MOXD1: variants seen among roughly 807,000 people sequenced by gnomAD.
MOXD1 encodes monooxygenase DBH like 1.
In MOXD1, 62 loss-of-function variants were observed where a neutral mutation model predicts 66.6. The ratio of observed to expected loss-of-function variants is 0.93; its 90% CI spans 0.76 to 1.15. The LOEUF (loss-of-function observed/expected upper bound fraction) is 1.15, where lower values mean the gene tolerates loss of function less well. Ranked by LOEUF, MOXD1 falls within the 50% of genes most tolerant of loss-of-function variation. The probability of loss-of-function intolerance (pLI) is 0.00; values close to 1 mark genes in which losing one functional copy is unlikely to be tolerated. For synonymous variants in MOXD1, 303 were observed against 281.9 expected, an observed-to-expected ratio of 1.07 and a Z score of -0.75; for missense variants, 847 against 754.6, an observed-to-expected ratio of 1.12 and a Z score of -1.44.
chr6:132,395,023 G>T lies in MOXD1; in HGVS notation c.264+6140C>A, dbSNP rs144822424. ...AGCACATTATAGTCAAAATATCAGA[G>T]GTGAAAGACACAGAGAAAACTCAAA... On this transcript the variant is annotated intron_variant, in intron 1 of 11. Transcript: ENST00000367963. 2.1e-3 allele frequency among the ~76,000 whole-genome samples: 324 copies of T among 152,086 alleles called. 3 individuals are homozygous for T. Among genetic ancestry groups the T allele is most frequent in the African/African-American group, 6.3e-3 (263 of 41,502 alleles).
At position 132,336,344 on chromosome 6, in the gene MOXD1, G is replaced by C. The variant is rs115762959; in HGVS notation, c.664-7750C>G. ...TCTGGAAAAAGTTATCAAGAGGTCA[G>C]CTAGCTCCTAAAGTGATGCTGCCTA... On this transcript the variant is annotated intron_variant, in intron 4 of 11. Coordinates refer to ENST00000367963, the MANE Select transcript of MOXD1 (RefSeq NM_015529.4). 2.2e-3 allele frequency among the ~76,000 whole-genome samples: 330 copies of C among 152,284 alleles called. 2 individuals are homozygous for C. The highest frequency in any genetic ancestry group is 7.7e-3 in the African/African-American group (321 of 41,556).
At chr6:132,366,165 G>A (rs1167301067) in intron 4 of MOXD1, among the ~76,000 whole-genome samples, 3 of 152,060 alleles carry the variant, frequency 2.0e-5, no homozygotes, top group Non-Finnish European at 4.4e-5. Context: ...AAGAGAAATG[G>A]AAAGTATTTT....
At chr6:132,335,263 T>TTA (rs1403971456) in intron 4 of MOXD1, among the ~76,000 whole-genome samples, 14 of 151,192 alleles carry the variant, frequency 9.3e-5, no homozygotes, top group Non-Finnish European at 1.0e-4. Context: ...ACAATAATGC[T>TTA]GGCTGAAAGA....
intron 10 of MOXD1, among the ~76,000 whole-genome samples, chr6:132,306,235 G>T (rs1334860864): frequency 2.0e-5 from 3 of 151,472 alleles, no homozygotes; most frequent in Admixed American, 1.3e-4. Flanking sequence ...ATCAACAGCC[G>T]AATCAACCAA....
intron 10 of MOXD1, among the ~76,000 whole-genome samples, chr6:132,310,378 T>C (rs1774801870): frequency 6.6e-6 from 1 of 152,154 alleles, no homozygotes; most frequent in Admixed American, 6.5e-5. Context: ...GAAATAGGAA[T>C]GCTTTTACAC....
intron 4 of MOXD1, among the ~76,000 whole-genome samples, chr6:132,350,363 A>T (rs1775778440): frequency 6.6e-6 from 1 of 152,156 alleles, no homozygotes; most frequent in Admixed American, 6.6e-5. Context: ...TTATCTCAGC[A>T]CCATTTGTTG....
intron 4 of MOXD1, among the ~76,000 whole-genome samples, chr6:132,370,215 T>C (rs1035953717): frequency 1.1e-4 from 17 of 152,202 alleles, no homozygotes; most frequent in African/African-American, 3.6e-4. Flanking sequence ...TTTGATTTTA[T>C]GGAAAGAATA....
intron 4 of MOXD1, among the ~76,000 whole-genome samples, chr6:132,367,062 A>G (rs1168125460): frequency 6.6e-6 from 1 of 152,128 alleles, no homozygotes; most frequent in African/African-American, 2.4e-5. Flanking sequence ...GTAATAAAGC[A>G]TAGCATTTCT....
chr6:132,356,761 T>C (rs2114634755), intron 4 of MOXD1, among the ~76,000 whole-genome samples: 1 of 152,206 alleles, frequency 6.6e-6, no homozygotes, highest in East Asian at 1.9e-4. Flanking sequence ...TTCAAAGTAA[T>C]AGATATAGAG....
chr6:132,388,283 G>C (rs1484659088), intron 1 of MOXD1, among the ~76,000 whole-genome samples: 1 of 151,340 alleles, frequency 6.6e-6, no homozygotes, highest in East Asian at 1.9e-4. Flanking sequence ...CATTAAATAT[G>C]ATCTCCCTTC....
chr6:132,394,877 A>G (rs527713564), intron 1 of MOXD1, among the ~76,000 whole-genome samples: 5 of 152,168 alleles, frequency 3.3e-5, no homozygotes, highest in Admixed American at 6.5e-5. Flanking sequence ...AAGGAGTTAG[A>G]AAACCTATTT....
intron 4 of MOXD1, among the ~76,000 whole-genome samples, chr6:132,365,819 T>C (rs890035528): frequency 3.3e-5 from 5 of 152,152 alleles, no homozygotes; most frequent in African/African-American, 9.7e-5. Context: ...TTGAGTCAAA[T>C]CATTACTTTT....
At chr6:132,391,615 C>G (rs1479010424) in intron 1 of MOXD1, 1 of 152,050 alleles carries the variant, frequency 6.6e-6, no homozygotes, top group African/African-American at 2.4e-5. Flanking sequence ...CAAATACTTC[C>G]AGAAACATGA....
At chr6:132,375,768 T>C (rs975637989) in intron 1 of MOXD1, among the ~76,000 whole-genome samples, 20 of 152,172 alleles carry the variant, frequency 1.3e-4, no homozygotes, top group Non-Finnish European at 2.9e-4. Flanking sequence ...GGAGAGAACA[T>C]GGGCTTTGGA....
intron 6 of MOXD1, chr6:132,324,949 T>G (rs1222152644): frequency 1.4e-5 from 1 of 73,676 alleles, no homozygotes; most frequent in East Asian, 4.2e-4. Flanking sequence ...TACCCTTCAC[T>G]CACAAACACA....
chr6:132,355,271 G>T (rs533484167), intron 4 of MOXD1, among the ~76,000 whole-genome samples: 3 of 152,172 alleles, frequency 2.0e-5, no homozygotes, highest in Non-Finnish European at 4.4e-5. Flanking sequence ...AGATCCCTGT[G>T]GTACCAAGCA....
At chr6:132,304,317 C>T (rs927296126) in intron 10 of MOXD1, among the ~76,000 whole-genome samples, 3 of 152,126 alleles carry the variant, frequency 2.0e-5, no homozygotes, top group African/African-American at 7.2e-5. Context: ...TGATTTTGGA[C>T]TTCCCCATCT....
chr6:132,350,731 C>T (rs1039185725), intron 4 of MOXD1, among the ~76,000 whole-genome samples: 1 of 152,160 alleles, frequency 6.6e-6, no homozygotes, highest in African/African-American at 2.4e-5. Context: ...GTCATTTTCA[C>T]AATATTGATT....
At chr6:132,372,121 T>C (rs1582599957) in intron 4 of MOXD1, among the ~76,000 whole-genome samples, 1 of 152,366 alleles carries the variant, frequency 6.6e-6, no homozygotes, top group East Asian at 1.9e-4. Context: ...TACCCAATTC[T>C]GTATTTCTTT....
Sources: gnomAD v4.1 joint callset for allele counts (sites outside exome capture counted in the v4.1 genomes callset) on GRCh38, gnomAD v4.1.1 for gene constraint, MANE v1.5 for transcripts, NCBI Gene and HGNC (gene_info 2026-07-23, HGNC 2026-07-21) for gene names.